The following TRABD2B variants were observed in gnomAD, a reference collection of about 807,000 sequenced individuals.
TRABD2B encodes TraB domain containing 2B.
TRABD2B carries 14 observed loss-of-function variants against 40.1 expected under a neutral mutation model. The observed-to-expected ratio is 0.35, with a 90% CI of 0.23 to 0.55. TRABD2B has a LOEUF of 0.55. Ranked by LOEUF, TRABD2B falls within the 20% of genes least tolerant of loss-of-function variation. The pLI, the probability that TRABD2B is intolerant of heterozygous loss-of-function variation, is 0.90. For missense variants in TRABD2B, 541 were observed against 648.6 expected (o/e 0.83, Z 1.80); for synonymous variants, 263 against 277.0 (o/e 0.95, Z 0.50).
chr1:47,890,885 G>A (rs536019652), intron 2 of TRABD2B, among the ~76,000 whole-genome samples: 5 of 152,350 alleles, frequency 3.3e-5, no homozygotes, highest in South Asian at 4.1e-4. Context: ...TATTAAGGAC[G>A]TTTATGGGGC....
intron 2 of TRABD2B, among the ~76,000 whole-genome samples, chr1:47,847,401 A>G (rs10890508): frequency 0.35 from 52,920 of 152,092 alleles, 9,457 homozygotes; most frequent in East Asian, 0.61. Context: ...CGTGTCTCCA[A>G]TGGCCAGCAC....
At chr1:47,870,541 A>G (rs1644125920) in intron 2 of TRABD2B, among the ~76,000 whole-genome samples, 1 of 152,150 alleles carries the variant, frequency 6.6e-6, no homozygotes, top group African/African-American at 2.4e-5. Context: ...GTCACCATGC[A>G]TCAGGATTAC....
At chr1:47,824,916 T>A (rs935735830) in intron 2 of TRABD2B, among the ~76,000 whole-genome samples, 22 of 152,156 alleles carry the variant, frequency 1.4e-4, no homozygotes, top group Admixed American at 1.0e-3. Flanking sequence ...TTCACACGGC[T>A]GCCCACAGGA....
At chr1:47,941,257 G>A (rs1645183792) in intron 2 of TRABD2B, among the ~76,000 whole-genome samples, 1 of 151,994 alleles carries the variant, frequency 6.6e-6, no homozygotes, top group African/African-American at 2.4e-5. Flanking sequence ...CCAAGCTTCC[G>A]CTAGCCACAC....
At chr1:47,863,374 A>ATT (rs1644005341) in intron 2 of TRABD2B, among the ~76,000 whole-genome samples, 1 of 101,986 alleles carries the variant, frequency 9.8e-6, no homozygotes, top group African/African-American at 4.3e-5. Flanking sequence ...ATATAATTTT[A>ATT]TATATATATA....
At chr1:47,923,925 C>T (rs1161224654) in intron 2 of TRABD2B, among the ~76,000 whole-genome samples, 19 of 7,250 alleles carry the variant, frequency 2.6e-3, no homozygotes, top group South Asian at 0.018. Flanking sequence ...TACACACACA[C>T]ACACACACAC....
intron 5 of TRABD2B, among the ~76,000 whole-genome samples, chr1:47,777,849 AT>A (rs1644468905): frequency 6.6e-6 from 1 of 152,124 alleles, no homozygotes; most frequent in African/African-American, 2.4e-5. Flanking sequence ...GGAACCACAG[AT>A]GGACTGAGCT....
At chr1:47,993,861 T>C (rs1014350077) in intron 2 of TRABD2B, among the ~76,000 whole-genome samples, 173 bp downstream of exon 2, 9 of 152,186 alleles carry the variant, frequency 5.9e-5, no homozygotes, top group Non-Finnish European at 1.2e-4. Flanking sequence ...CACTCTCAAC[T>C]GATACCACCA....
intron 2 of TRABD2B, among the ~76,000 whole-genome samples, chr1:47,929,369 G>A (rs770443909): frequency 1.8e-4 from 28 of 152,152 alleles, no homozygotes; most frequent in Admixed American, 7.9e-4. Context: ...GCCATCCCCT[G>A]GTCATAGTCT....
chr1:47,857,997 T>G (rs1643912333), intron 2 of TRABD2B, among the ~76,000 whole-genome samples: 2 of 150,752 alleles, frequency 1.3e-5, no homozygotes, highest in African/African-American at 4.9e-5. Context: ...AGATCCCATT[T>G]GCATAACTTT....
In TRABD2B at chr1:47,996,483, G is replaced by C. The variant is rs926531027; in HGVS notation, c.102+205C>G. On this transcript the variant is annotated intron_variant, in intron 1 of 6. Transcript: ENST00000606738. This position sits in a 1 kb window ranked among gnomAD's most constrained non-coding sequence, Gnocchi z 4.6. The stretch of plus-strand genomic sequence containing the variant: ...AGCGGCAGCGTGTGGAGAAGGAACC[G>C]GAGAGGGAGCGCCCCTTCTCGCTCC... 1.3e-5 allele frequency among the ~76,000 whole-genome samples: 2 copies of C among 152,188 alleles called. No homozygotes were observed. Among genetic ancestry groups the C allele is most frequent in the Non-Finnish European group, 2.9e-5 (2 of 68,018 alleles).
intron 2 of TRABD2B, among the ~76,000 whole-genome samples, chr1:47,929,591 G>C (rs1645012928): frequency 6.6e-6 from 1 of 152,218 alleles, no homozygotes. Context: ...CAGTGTCCTA[G>C]CACCTACCAA....
chr1:47,858,125 T>C (rs1364969567), intron 2 of TRABD2B, among the ~76,000 whole-genome samples: 2 of 152,150 alleles, frequency 1.3e-5, no homozygotes, highest in Admixed American at 1.3e-4. Context: ...AAACAGCATA[T>C]ACAGGGTTTG....
In TRABD2B at chr1:47,951,290, G is replaced by A. The variant is rs570525148; in HGVS notation, c.666+42744C>T. Among the ~76,000 whole-genome samples, 29 of 152,340 alleles carry A rather than the reference G, an allele frequency of 1.9e-4. 1 individual carries two copies. The highest frequency in any genetic ancestry group is 1.0e-3 in the South Asian group (5 of 4,832). ...AACCAAGGGGCCAGGGCCACAATGC[G>A]GGGGATTCTTTTGGGAGAAACAGAC... On this transcript the variant is annotated intron_variant, in intron 2 of 6. Transcript: ENST00000606738.
At chr1:47,921,588 G>C (rs1261365728) in intron 2 of TRABD2B, among the ~76,000 whole-genome samples, 1 of 152,160 alleles carries the variant, frequency 6.6e-6, no homozygotes, top group East Asian at 1.9e-4. Flanking sequence ...TTCTATGTTT[G>C]TATTTTTGTT....
At chr1:47,766,562 A>G (rs1187313094) in intron 6 of TRABD2B, among the ~76,000 whole-genome samples, 1 of 152,218 alleles carries the variant, frequency 6.6e-6, no homozygotes, top group Admixed American at 6.5e-5. Flanking sequence ...TGCCATTATC[A>G]TAACTACCGC....
At chr1:47,949,670 A>C (rs1260302369) in intron 2 of TRABD2B, among the ~76,000 whole-genome samples, 1 of 151,630 alleles carries the variant, frequency 6.6e-6, no homozygotes, top group Non-Finnish European at 1.5e-5. Context: ...ATCCTCCCAA[A>C]GTGCTGGGAT....
intron 6 of TRABD2B, among the ~76,000 whole-genome samples, chr1:47,767,984 G>A (rs963531467): frequency 6.6e-6 from 1 of 152,174 alleles, no homozygotes; most frequent in African/African-American, 2.4e-5. Context: ...GGCAGGGGAG[G>A]GAACCCGGGG....
intron 2 of TRABD2B, among the ~76,000 whole-genome samples, chr1:47,822,869 C>T (rs10789517): frequency 0.96 from 146,407 of 152,278 alleles, 70,658 homozygotes; most frequent in East Asian, 1. Context: ...CAGGTGGTCT[C>T]GTAGAAGGCT....
Sources: gnomAD v4.1 joint callset for allele counts (sites outside exome capture counted in the v4.1 genomes callset) on GRCh38, gnomAD v4.1.1 for gene constraint, Gnocchi (gnomAD v3.1) non-coding constraint, MANE v1.5 for transcripts, NCBI Gene and HGNC (gene_info 2026-07-23, HGNC 2026-07-21) for gene names.